PDGFRA: variants seen among roughly 807,000 people sequenced by gnomAD.
PDGFRA encodes the protein platelet-derived growth factor receptor alpha.
A neutral mutation model predicts 121.5 loss-of-function variants in PDGFRA; 25 were observed. The observed-to-expected ratio is 0.21, with a 90% confidence interval of 0.15 to 0.29. PDGFRA has a LOEUF of 0.29. PDGFRA is among the 10% of genes least tolerant of loss of function. The pLI is 1.00. For synonymous variants in PDGFRA, 463 were observed against 494.8 expected (o/e 0.94, Z 0.85); for missense variants, 1,008 against 1,345.1 (o/e 0.75, Z 3.92).
intron 3 of PDGFRA, among the ~76,000 whole-genome samples, chr4:54,261,972 AG>A: frequency 7.3e-6 from 1 of 137,716 alleles, no homozygotes; most frequent in Admixed American, 8.4e-5. Flanking sequence ...TCTGTTGCCC[AG>A]GCTGGAATGC....
chr4:54,269,771 T>A (rs552627271), intron 7 of PDGFRA, among the ~76,000 whole-genome samples: 1 of 151,518 alleles, frequency 6.6e-6, no homozygotes, highest in East Asian at 1.9e-4. Flanking sequence ...GCCTCCTGAG[T>A]AGCTGGGATT....
At chr4:54,251,929 C>T (rs1023415506) in intron 1 of PDGFRA, among the ~76,000 whole-genome samples, 2 of 152,144 alleles carry the variant, frequency 1.3e-5, no homozygotes, top group Admixed American at 1.3e-4. Flanking sequence ...GGCCAAATTT[C>T]ATAAGATTAA....
intron 15 of PDGFRA, chr4:54,278,874 C>G (rs1229073424): frequency 2.1e-6 from 1 of 478,614 alleles, no homozygotes; most frequent in Admixed American, 2.3e-5. Context: ...TGTGGATCTC[C>G]AAGCTCGAGG....
chr4:54,254,858 T>C (rs997024135), intron 1 of PDGFRA, among the ~76,000 whole-genome samples: 1 of 152,196 alleles, frequency 6.6e-6, no homozygotes, highest in Non-Finnish European at 1.5e-5. Flanking sequence ...ATTGTGTGAA[T>C]TGCATTTGGG....
At chr4:54,241,350 T>A (rs2110189359) in intron 1 of PDGFRA, among the ~76,000 whole-genome samples, 1 of 152,250 alleles carries the variant, frequency 6.6e-6, no homozygotes, top group East Asian at 1.9e-4. Flanking sequence ...TCTTATATGA[T>A]AAATTCTTGT....
chr4:54,274,663 C>T (rs1354053193), intron 11 of PDGFRA, 38 bp downstream of exon 11: 3 of 1,532,590 alleles, frequency 2.0e-6, no homozygotes, highest in African/African-American at 1.4e-5. Context: ...TCTTTGAAGC[C>T]AATGAGAACA....
chr4:54,258,348 T>C (rs1003187588), intron 1 of PDGFRA, among the ~76,000 whole-genome samples: 1 of 152,096 alleles, frequency 6.6e-6, no homozygotes, highest in African/African-American at 2.4e-5. Context: ...AATATTAAGG[T>C]ATTTACCCCA....
chr4:54,284,595 A>T (rs995417181), intron 16 of PDGFRA, among the ~76,000 whole-genome samples: 28 of 147,328 alleles, frequency 1.9e-4, no homozygotes, highest in African/African-American at 6.9e-4. Flanking sequence ...AGAGAGAGAG[A>T]GAGGTGCCAT....
intron 1 of PDGFRA, chr4:54,243,453 T>C (rs1197751073): frequency 6.6e-6 from 1 of 152,162 alleles, no homozygotes; most frequent in African/African-American, 2.4e-5. Context: ...CTTTAATGGG[T>C]TAAAGGATTG....
chr4:54,285,152 TC>T (rs1210791117), intron 16 of PDGFRA, among the ~76,000 whole-genome samples: 4 of 152,106 alleles, frequency 2.6e-5, no homozygotes, highest in Admixed American at 6.5e-5. Context: ...CACCTCGGCC[TC>T]CCAAAGTGCT....
chr4:54,237,123 C>G (rs1379620986), intron 1 of PDGFRA, among the ~76,000 whole-genome samples: 1 of 152,146 alleles, frequency 6.6e-6, no homozygotes, highest in Non-Finnish European at 1.5e-5. Flanking sequence ...TACCTGCCGC[C>G]ATGCCTGGCT....
In PDGFRA at chr4:54,278,428, G is replaced by A. The variant is rs1344375373; in HGVS notation, c.2069G>A (p.Arg690Lys). 2 of 1,613,674 alleles carry A rather than the reference G, an allele frequency of 1.2e-6. No individual in the cohort carries two copies. Among genetic ancestry groups the A allele is most frequent in the Non-Finnish European group, 1.7e-6 (2 of 1,179,702 alleles). The change falls in exon 15 of 23, where the codon AGG becomes AAG. Residue 690 changes from arginine (R) to lysine (K), a missense_variant. Arg to Lys is a conservative substitution (Grantham distance 26, BLOSUM62 2). Transcript: ENST00000257290. ...TTGGTCAACTATTTGCATAAGAATA[G>A]GGATAGCTTCCTGAGCCACCACCCA... ...GDLVNYLHKN[R>K]DSFLSHHPEK... is the part of the protein sequence containing the mutation.
At chr4:54,267,771 T>C in intron 7 of PDGFRA, 30 bp downstream of exon 7, 6 of 1,581,162 alleles carry the variant, frequency 3.8e-6, no homozygotes, top group Non-Finnish European at 5.2e-6. Flanking sequence ...AAGTATGCCT[T>C]TTTTTAGTGT....
chr4:54,242,393 A>G (rs375898330), intron 1 of PDGFRA, among the ~76,000 whole-genome samples: 11 of 152,254 alleles, frequency 7.2e-5, no homozygotes, highest in Admixed American at 3.3e-4. Context: ...TCACTAGGGA[A>G]AATACCTTTA....
In PDGFRA at chr4:54,265,067, G is replaced by A. The variant is rs777100767; in HGVS notation, c.759+18G>A. ...GAGAAGTGGTAGGTACCCTCAAAAC[G>A]TGCAATGGCTTGGAGCAGAGCAACA... On this transcript the variant is annotated intron_variant, in intron 5 of 22. Coordinates refer to ENST00000257290, the MANE Select transcript of PDGFRA (RefSeq NM_006206.6). 56 of 1,612,632 alleles carry A rather than the reference G, an allele frequency of 3.5e-5. No homozygotes were observed. The highest frequency in any genetic ancestry group is 1.5e-4 in the South Asian group (14 of 91,032).
chr4:54,263,689 T>G lies in PDGFRA; in HGVS notation c.390T>G (p.Pro130=), dbSNP rs1391618202. 1 of 1,613,998 alleles carries G rather than the reference T, an allele frequency of 6.2e-7. No homozygotes were observed. Among genetic ancestry groups the G allele is most frequent in the Admixed American group, 1.7e-5 (1 of 60,020 alleles). Reference sequence around the variant, plus strand: ...CAGACCCAGATGTAGCCTTTGTACCTCTAGGAATGACGGATTATTTAGTCA... The same window carrying G: ...CAGACCCAGATGTAGCCTTTGTACCGCTAGGAATGACGGATTATTTAGTCA... The part of the protein sequence containing the change: ...YVPDPDVAFV[P]LGMTDYLVIV... The change falls in exon 4 of 23, where the codon CCT becomes CCG. Residue 130 remains proline, a synonymous_variant. Coordinates refer to ENST00000257290, the MANE Select transcript of PDGFRA (RefSeq NM_006206.6).
At chr4:54,248,847 C>T (rs1443944998) in intron 1 of PDGFRA, among the ~76,000 whole-genome samples, 1 of 152,084 alleles carries the variant, frequency 6.6e-6, no homozygotes, top group East Asian at 1.9e-4. Flanking sequence ...CCAGACTCTA[C>T]AATGAACTTT....
Position 54,267,313 on chromosome 4 carries a change from G to C in PDGFRA, c.784G>C (p.Glu262Gln), listed in dbSNP as rs376265745. ...EVKGKGITML[E>Q]EIKVPSIKLV... ...GAAAGGCAAAGGCATCACAATGCTG[G>C]AAGAAATCAAAGTCCCATCCATCAA... The change falls in exon 6 of 23, where the codon GAA becomes CAA. Residue 262 changes from glutamate to glutamine, a missense_variant. Glu to Gln is a conservative substitution (Grantham distance 29, BLOSUM62 2). Coordinates refer to ENST00000257290, the MANE Select transcript of PDGFRA (RefSeq NM_006206.6). The C allele has an allele frequency of 7.4e-5, 120 of 1,614,048 alleles. No individual in the cohort carries two copies. Among genetic ancestry groups the C allele is most frequent in the Non-Finnish European group, 1.0e-4 (120 of 1,180,034 alleles).
intron 1 of PDGFRA, among the ~76,000 whole-genome samples, chr4:54,255,066 G>A (rs763889055): frequency 6.6e-6 from 1 of 152,132 alleles, no homozygotes; most frequent in Non-Finnish European, 1.5e-5. Flanking sequence ...CACAGCTTTT[G>A]CATCACACAG....
Sources: gnomAD v4.1 joint callset for allele counts (sites outside exome capture counted in the v4.1 genomes callset) on GRCh38, gnomAD v4.1.1 for gene constraint, MANE v1.5 for transcripts, NCBI Gene and HGNC (gene_info 2026-07-23, HGNC 2026-07-21) for gene names.